ABCC9: variants seen among roughly 807,000 people sequenced by gnomAD.
ABCC9 encodes the protein ATP-binding cassette sub-family C member 9.
A neutral mutation model predicts 188.3 loss-of-function variants in ABCC9; 95 were observed. The ratio of observed to expected loss-of-function variants is 0.50; its 90% CI spans 0.43 to 0.60. The LOEUF (loss-of-function observed/expected upper bound fraction) is 0.60. Ranked by LOEUF, ABCC9 falls within the 20% of genes least tolerant of loss-of-function variation. The pLI is 0.00. For synonymous variants in ABCC9, 659 were observed against 652.7 expected (o/e 1.01, Z -0.15); for missense variants, 1,102 against 1,876.3 (o/e 0.59, Z 7.62).
intron 30 of ABCC9, among the ~76,000 whole-genome samples, chr12:21,833,829 T>G (rs1943915125): frequency 6.6e-6 from 1 of 152,174 alleles, no homozygotes; most frequent in Admixed American, 6.6e-5. Flanking sequence ...AATAATCTTC[T>G]CCGTTAACTG....
At chr12:21,844,956 A>G in intron 26 of ABCC9, 41 bp from the exon 27 acceptor site, 1 of 1,608,502 alleles carries the variant, frequency 6.2e-7, no homozygotes, top group East Asian at 2.2e-5. Flanking sequence ...GGAAATTATC[A>G]ATGGAGTTCT....
chr12:21,899,270 C>T (rs548170519), intron 12 of ABCC9, among the ~76,000 whole-genome samples: 23 of 152,296 alleles, frequency 1.5e-4, no homozygotes, highest in Admixed American at 3.9e-4. Context: ...AATGAATCTT[C>T]GGCCAATGCT....
chr12:21,806,012 C>A lies in ABCC9; in HGVS notation c.4498G>T (p.Val1500Leu). Residue 1500 changes from valine to leucine, a missense_variant, in exon 39 of 40, where the codon GTG becomes TTG. Coordinates refer to ENST00000261200, the MANE Select transcript of ABCC9 (RefSeq NM_020297.4). Reference sequence around the variant, plus strand: ...CTCATACTTACAGCTATTGTCACCACGGTCCGGTCTGCAAAGGCTGTCATT... The same window carrying A: ...CTCATACTTACAGCTATTGTCACCAAGGTCCGGTCTGCAAAGGCTGTCATT... ...VVMTAFADRT[V>L]VTIAHRVHTI... 1 of 1,613,620 alleles carries A rather than the reference C, an allele frequency of 6.2e-7. No individual in the cohort carries two copies. Among genetic ancestry groups the A allele is most frequent in the Non-Finnish European group, 8.5e-7 (1 of 1,179,792 alleles).
At chr12:21,883,671 G>A (rs573009318) in intron 15 of ABCC9, among the ~76,000 whole-genome samples, 3 of 152,124 alleles carry the variant, frequency 2.0e-5, no homozygotes, top group Admixed American at 6.5e-5. Context: ...AAATCAGATT[G>A]AGCTACACGG....
At chr12:21,838,937 A>C (rs1337979853) in intron 29 of ABCC9, among the ~76,000 whole-genome samples, 1 of 152,132 alleles carries the variant, frequency 6.6e-6, no homozygotes, top group African/African-American at 2.4e-5. Flanking sequence ...GAGGCAGGAG[A>C]ATCACCTGAA....
chr12:21,894,448 G>A (rs1194710061), intron 13 of ABCC9, among the ~76,000 whole-genome samples: 2 of 152,126 alleles, frequency 1.3e-5, no homozygotes, highest in East Asian at 1.9e-4. Flanking sequence ...TGCTAAGTAG[G>A]GGGAATAAAG....
chr12:21,826,266 A>C (rs187046713), intron 31 of ABCC9, among the ~76,000 whole-genome samples: 1 of 143,002 alleles, frequency 7.0e-6, no homozygotes. Context: ...TCATTACTTT[A>C]AAAAAAAAAA....
intron 31 of ABCC9, among the ~76,000 whole-genome samples, chr12:21,825,662 A>T (rs1943334718): frequency 6.6e-6 from 1 of 151,516 alleles, no homozygotes; most frequent in Admixed American, 6.6e-5. Context: ...GGGCTAGGGG[A>T]GGGATAGCAT....
chr12:21,855,638 A>T (rs1445803913), intron 22 of ABCC9, among the ~76,000 whole-genome samples: 1 of 152,218 alleles, frequency 6.6e-6, no homozygotes, highest in Non-Finnish European at 1.5e-5. Context: ...CAATGTTTCA[A>T]ACTCAGTCAC....
chr12:21,832,791 G>T (rs1037903852), intron 30 of ABCC9, among the ~76,000 whole-genome samples: 1 of 152,140 alleles, frequency 6.6e-6, no homozygotes, highest in Non-Finnish European at 1.5e-5. Flanking sequence ...CAGAGGAAAA[G>T]AAGTCATTAT....
At chr12:21,894,498 T>A (rs1333620144) in intron 13 of ABCC9, among the ~76,000 whole-genome samples, 1 of 152,192 alleles carries the variant, frequency 6.6e-6, no homozygotes, top group Non-Finnish European at 1.5e-5. Flanking sequence ...AGTCAAGCCC[T>A]TTCCAAGCAA....
At chr12:21,937,918 G>T (rs1949555611) in intron 2 of ABCC9, 1 of 152,162 alleles carries the variant, frequency 6.6e-6, no homozygotes, top group East Asian at 1.9e-4. Flanking sequence ...AGCAGTTTAA[G>T]ATTTTAACCT....
chr12:21,887,831 C>T lies in ABCC9; in HGVS notation c.1906G>A (p.Gly636Arg). The T allele has an allele frequency of 6.2e-7, 1 of 1,608,148 alleles. No individual in the cohort carries two copies. The highest frequency in any genetic ancestry group is 8.5e-7 in the Non-Finnish European group (1 of 1,174,730). ...LPFESCKKHT[G>R]VQPKTINRKQ... ...AACAAAAATAAAGCACTTACAACTC[C>T]AGTGTGCTTCTTACAGGACTCAAAA... The change falls in exon 15 of 40, where the codon GGA becomes AGA. Residue 636 changes from glycine (G) to arginine (R), a missense_variant. Gly to Arg is a moderately radical substitution (Grantham distance 125). Coordinates refer to ENST00000261200, the MANE Select transcript of ABCC9 (RefSeq NM_020297.4).
chr12:21,890,605 T>C (rs1947106099), intron 14 of ABCC9, among the ~76,000 whole-genome samples: 1 of 152,084 alleles, frequency 6.6e-6, no homozygotes. Context: ...ATTAAGAAAA[T>C]GTGGCACATA....
At chr12:21,832,215 A>G (rs1296928640) in intron 30 of ABCC9, among the ~76,000 whole-genome samples, 1 of 152,224 alleles carries the variant, frequency 6.6e-6, no homozygotes, top group African/African-American at 2.4e-5. Flanking sequence ...AGTCTAATTT[A>G]ACTGTGATGC....
intron 8 of ABCC9, among the ~76,000 whole-genome samples, chr12:21,911,512 T>G (rs1282189193): frequency 1.3e-5 from 2 of 151,970 alleles, no homozygotes; most frequent in African/African-American, 4.8e-5. Flanking sequence ...AAAACATAAC[T>G]TACAAAATTT....
chr12:21,907,512 G>C (rs931950596), intron 11 of ABCC9, among the ~76,000 whole-genome samples: 1 of 151,828 alleles, frequency 6.6e-6, no homozygotes, highest in African/African-American at 2.4e-5. Context: ...CAGCAAATTC[G>C]TGCTCAAATG....
At chr12:21,866,293 A>G (rs1326175801) in intron 18 of ABCC9, among the ~76,000 whole-genome samples, 3 of 152,294 alleles carry the variant, frequency 2.0e-5, no homozygotes, top group South Asian at 2.1e-4. Flanking sequence ...GGTTTAAACA[A>G]GAGAGAGATA....
intron 20 of ABCC9, among the ~76,000 whole-genome samples, chr12:21,861,782 A>G (rs1311958240): frequency 6.6e-6 from 1 of 152,152 alleles, no homozygotes; most frequent in African/African-American, 2.4e-5. Context: ...AAAGTAAAAA[A>G]GTTCATGATG....
Sources: allele counts gnomAD v4.1 joint callset (sites outside exome capture counted in the v4.1 genomes callset), GRCh38; gene constraint gnomAD v4.1.1; transcripts MANE v1.5; gene names NCBI Gene and HGNC (gene_info 2026-07-23, HGNC 2026-07-21).